Variants in LNX1 observed in about 807,000 individuals in gnomAD.
The protein encoded by LNX1 is ligand of numb-protein X 1, also known as E3 ubiquitin-protein ligase LNX.
In LNX1, 54 loss-of-function variants were observed where a neutral mutation model predicts 68.4. That is an observed-to-expected ratio of 0.79 (90% CI 0.63 to 0.99). The LOEUF (loss-of-function observed/expected upper bound fraction) is 0.99. Among genes scored for constraint, LNX1 ranks in the 50% least tolerant of loss-of-function variants. The pLI, the probability that LNX1 is intolerant of heterozygous loss-of-function variation, is 0.00. For missense variants in LNX1, 906 were observed against 926.4 expected, an observed-to-expected ratio of 0.98 and a Z score of 0.29; for synonymous variants, 336 against 350.0, an observed-to-expected ratio of 0.96 and a Z score of 0.45.
chr4:53,578,699 T>C (rs1731647690), intron 1 of LNX1, among the ~76,000 whole-genome samples: 1 of 152,230 alleles, frequency 6.6e-6, no homozygotes, highest in South Asian at 2.1e-4. Flanking sequence ...TTCTTTTATC[T>C]TTTCCCTTCC....
intron 1 of LNX1, among the ~76,000 whole-genome samples, chr4:53,630,577 A>G (rs140141466): frequency 1.3e-5 from 2 of 152,284 alleles, no homozygotes; most frequent in African/African-American, 4.8e-5. Context: ...TCCTAAGTGC[A>G]AGAAGGCTGT....
intron 4 of LNX1, among the ~76,000 whole-genome samples, chr4:53,505,540 C>T (rs766177448): frequency 1.3e-5 from 2 of 152,250 alleles, no homozygotes; most frequent in Non-Finnish European, 2.9e-5. Flanking sequence ...GAGTAAGCCA[C>T]CACGTCTGGC....
chr4:53,588,981 G>T (rs950590330), intron 1 of LNX1, among the ~76,000 whole-genome samples: 9 of 152,180 alleles, frequency 5.9e-5, no homozygotes, highest in Non-Finnish European at 1.2e-4. Context: ...GTACAATGAG[G>T]CTCCAAACCA....
chr4:53,574,152 G>GCCCTGTCTCATGTCT, intron 1 of LNX1, 64 bp from the exon 2 acceptor site: 3 of 1,211,724 alleles, frequency 2.5e-6, no homozygotes, highest in Non-Finnish European at 2.2e-6. Context: ...GCTTATGGTA[G>GCCCTGTCTCATGTCT]ACATGAGACA....
chr4:53,484,634 C>T lies in LNX1; in HGVS notation c.1351-2780G>A, dbSNP rs540880615. Among the ~76,000 whole-genome samples, 3 of 152,266 alleles carry T rather than the reference C, an allele frequency of 2.0e-5. No individual in the cohort carries two copies. In the East Asian group the frequency reaches 5.8e-4, roughly 29 times the overall value. ...ACAATATCCCTATGGTTGTCTGACA[C>T]TAACCAGTCCAAATCTTCATGACTT... On this transcript the variant is annotated intron_variant, in intron 6 of 10. Transcript: ENST00000263925.
intron 6 of LNX1, among the ~76,000 whole-genome samples, chr4:53,493,663 C>A (rs1724854335): frequency 6.6e-6 from 1 of 152,226 alleles, no homozygotes; most frequent in Admixed American, 6.5e-5. Context: ...TCCTTGAAAG[C>A]AAACAGTCTT....
intron 2 of LNX1, chr4:53,603,920 C>T (rs1433993484): frequency 6.6e-6 from 1 of 152,130 alleles, no homozygotes; most frequent in Non-Finnish European, 1.5e-5. Context: ...AGGTTGGTGC[C>T]TCTACTGATT....
At chr4:53,511,368 C>T (rs1352970345) in intron 2 of LNX1, among the ~76,000 whole-genome samples, 1 of 152,166 alleles carries the variant, frequency 6.6e-6, no homozygotes, top group Admixed American at 6.5e-5. Context: ...AGGACAAGAA[C>T]ATACGGTAAA....
intron 4 of LNX1, among the ~76,000 whole-genome samples, chr4:53,504,520 C>T (rs182964760): frequency 7.2e-5 from 11 of 152,320 alleles, no homozygotes; most frequent in African/African-American, 1.9e-4. Flanking sequence ...AAGGCTGTTT[C>T]GCTTTGTAAA....
chr4:53,526,996 A>C (rs549485874), intron 2 of LNX1, among the ~76,000 whole-genome samples: 1 of 151,620 alleles, frequency 6.6e-6, no homozygotes, highest in Non-Finnish European at 1.5e-5. Flanking sequence ...TGAGGAATAC[A>C]TAAGAGGCTA....
chr4:53,570,071 G>A (rs569373033), intron 2 of LNX1, among the ~76,000 whole-genome samples: 1 of 151,816 alleles, frequency 6.6e-6, no homozygotes, highest in East Asian at 1.9e-4. Flanking sequence ...TGGTGGGACT[G>A]TAAACTAGTT....
intron 2 of LNX1, among the ~76,000 whole-genome samples, chr4:53,511,133 A>G (rs1477254949): frequency 6.6e-6 from 1 of 152,174 alleles, no homozygotes; most frequent in Non-Finnish European, 1.5e-5. Flanking sequence ...TTAAGTATTC[A>G]GACTCACGTG....
chr4:53,607,651 G>A (rs1324435446), intron 2 of LNX1, among the ~76,000 whole-genome samples: 2 of 152,086 alleles, frequency 1.3e-5, no homozygotes, highest in Non-Finnish European at 2.9e-5. Flanking sequence ...CTAAAAAAGA[G>A]CCCAAATAGC....
chr4:53,576,225 C>T (rs1731482668), intron 1 of LNX1: 3 of 1,603,852 alleles, frequency 1.9e-6, no homozygotes, highest in East Asian at 2.3e-5. Context: ...TGGCTCGCTT[C>T]CTGCAGCCGA....
chr4:53,583,710 C>T (rs1369359260), intron 1 of LNX1, among the ~76,000 whole-genome samples: 5 of 152,014 alleles, frequency 3.3e-5, no homozygotes, highest in Admixed American at 1.3e-4. Flanking sequence ...AGTGGTTAAG[C>T]GAAAAGAGTC....
intron 1 of LNX1, among the ~76,000 whole-genome samples, chr4:53,628,306 C>G (rs1734149764): frequency 6.6e-6 from 1 of 152,092 alleles, no homozygotes; most frequent in South Asian, 2.1e-4. Flanking sequence ...CAATACAAAA[C>G]AATCCCATCA....
chr4:53,519,831 C>A (rs541293448), intron 2 of LNX1, among the ~76,000 whole-genome samples: 1 of 152,204 alleles, frequency 6.6e-6, no homozygotes, highest in African/African-American at 2.4e-5. Context: ...GATTCACTTG[C>A]GCAGGTTTGC....
chr4:53,540,297 G>A (rs892601175), intron 2 of LNX1, among the ~76,000 whole-genome samples: 10 of 152,040 alleles, frequency 6.6e-5, no homozygotes, highest in Admixed American at 4.6e-4. Flanking sequence ...GAGAGAGGAT[G>A]GCTTGAGCCC....
intron 1 of LNX1, among the ~76,000 whole-genome samples, chr4:53,622,634 G>A (rs1733927404): frequency 6.6e-6 from 1 of 152,138 alleles, no homozygotes; most frequent in South Asian, 2.1e-4. Context: ...ACAGGATACA[G>A]TAAATATAAC....
Sources: gnomAD v4.1 joint callset for allele counts (sites outside exome capture counted in the v4.1 genomes callset) on GRCh38, gnomAD v4.1.1 for gene constraint, MANE v1.5 for transcripts, NCBI Gene and HGNC (gene_info 2026-07-23, HGNC 2026-07-21) for gene names.